Variants in FLT1 observed in about 807,000 individuals in gnomAD.
The protein encoded by FLT1 is vascular endothelial growth factor receptor 1.
FLT1 carries 49 observed loss-of-function variants against 156.3 expected under a neutral mutation model. The observed-to-expected ratio is 0.31, with a 90% CI of 0.25 to 0.40. FLT1 has a LOEUF of 0.40. FLT1 is among the 10% of genes least tolerant of loss of function. FLT1 has a pLI of 1.00. For missense variants in FLT1, 1,322 were observed against 1,637.2 expected (o/e 0.81, Z 3.32); for synonymous variants, 594 against 583.8 (o/e 1.02, Z -0.25).
intron 14 of FLT1, among the ~76,000 whole-genome samples, chr13:28,372,021 T>G (rs1015341619): frequency 3.4e-4 from 4 of 11,838 alleles, no homozygotes; most frequent in East Asian, 4.3e-3. Flanking sequence ...AAATCATTGG[T>G]GTGTGTGTGT....
chr13:28,339,452 A>T (rs1478558489), intron 16 of FLT1, 152 bp from the exon 17 acceptor site: 5 of 737,032 alleles, frequency 6.8e-6, no homozygotes, highest in Admixed American at 2.4e-5. Context: ...ACATACACTC[A>T]TCACACTTAG....
intron 6 of FLT1, among the ~76,000 whole-genome samples, chr13:28,431,838 T>C (rs7318965): frequency 4.3e-4 from 66 of 152,302 alleles, no homozygotes; most frequent in African/African-American, 1.4e-3. Context: ...GTTTCCTTTT[T>C]TGTCCCTACG....
At chr13:28,478,436 G>T (rs1044430501) in intron 1 of FLT1, among the ~76,000 whole-genome samples, 1 of 152,206 alleles carries the variant, frequency 6.6e-6, no homozygotes, top group Non-Finnish European at 1.5e-5. Context: ...TTATGGATTT[G>T]TCATTTATGT....
At chr13:28,352,839 G>A (rs1397900176) in intron 15 of FLT1, among the ~76,000 whole-genome samples, 1 of 152,166 alleles carries the variant, frequency 6.6e-6, no homozygotes, top group East Asian at 1.9e-4. Context: ...TTGGGGGCAG[G>A]ATTCAGGAAG....
At chr13:28,368,622 G>A (rs1200400624) in intron 14 of FLT1, 2 of 1,366,956 alleles carry the variant, frequency 1.5e-6, no homozygotes, top group Admixed American at 2.0e-5. Flanking sequence ...GATGACAATG[G>A]TGATGATGAC....
At chr13:28,351,108 C>A (rs866228613) in intron 15 of FLT1, among the ~76,000 whole-genome samples, 1 of 151,840 alleles carries the variant, frequency 6.6e-6, no homozygotes, top group South Asian at 2.1e-4. Flanking sequence ...ATACAATTTG[C>A]CTTTTCTTTC....
Position 28,405,892 on chromosome 13 carries a change from C to T in FLT1, c.1439G>A (p.Cys480Tyr), listed in dbSNP as rs1399874228. ...PCNHNHSEAR[C>Y]DFCSNNEESF... ...CTCTTCATTATTGGAACAAAAGTCA[C>T]ACCTATTAAAAAAAAAAGTTGTCAC... is the stretch of plus-strand genomic sequence containing the variant. Residue 480 changes from cysteine to tyrosine, a missense_variant and splice_region_variant, in exon 11 of 30, where the codon TGT becomes TAT. Physicochemically the swap from Cys to Tyr is radical, Grantham distance 194. Transcript: ENST00000282397. The T allele has an allele frequency of 1.3e-6, 2 of 1,558,916 alleles. No individual in the cohort carries two copies. Among genetic ancestry groups the T allele is most frequent in the South Asian group, 1.1e-5 (1 of 89,954 alleles).
chr13:28,330,817 G>A (rs1003691004), intron 18 of FLT1, among the ~76,000 whole-genome samples: 4 of 151,830 alleles, frequency 2.6e-5, no homozygotes, highest in Admixed American at 6.6e-5. Flanking sequence ...GGGTTCAAGC[G>A]ATTCTCATGC....
chr13:28,413,433 C>T (rs372320748), intron 10 of FLT1, among the ~76,000 whole-genome samples: 5 of 147,234 alleles, frequency 3.4e-5, no homozygotes, highest in East Asian at 4.1e-4. Context: ...CAGTCTTTTC[C>T]AGGGCCAGGG....
At chr13:28,419,407 C>T (rs545124991) in intron 10 of FLT1, among the ~76,000 whole-genome samples, 5 of 152,300 alleles carry the variant, frequency 3.3e-5, no homozygotes, top group African/African-American at 1.2e-4. Flanking sequence ...TGTGTCAGGA[C>T]ATTAGTTTCT....
intron 11 of FLT1, 112 bp downstream of exon 11, chr13:28,405,668 T>C: frequency 1.4e-6 from 1 of 730,186 alleles, no homozygotes. Context: ...TTCTTCTCTC[T>C]GAATTTTTGT....
intron 14 of FLT1, among the ~76,000 whole-genome samples, chr13:28,372,563 A>AATATATATATAT (rs1565990688): frequency 4.3e-5 from 2 of 46,590 alleles, no homozygotes; most frequent in Admixed American, 4.5e-4. Flanking sequence ...GTTTAAATAA[A>AATATATATATAT]ATGTATATAT....
intron 13 of FLT1, chr13:28,388,320 G>A (rs375138914): frequency 4.7e-6 from 5 of 1,057,912 alleles, no homozygotes; most frequent in Admixed American, 5.4e-5. Context: ...AAGTTTAGCC[G>A]TGGGACAGAA....
rs55955231 is a variant in FLT1 at position 28,405,899 on chromosome 13, T to TAA, written c.1437-7_1437-6dup. 669 of 1,393,050 alleles carry TAA rather than the reference T, an allele frequency of 4.8e-4. No individual in the cohort carries two copies. Among genetic ancestry groups the TAA allele is most frequent in the Non-Finnish European group, 5.7e-4 (575 of 1,007,020 alleles). The allele number at this position is 1,393,050 out of a possible 1,614,324, so 86.3% of individuals were successfully genotyped here. A position where few individuals can be genotyped will look rare whatever the true frequency, so the allele number is the denominator to read the frequency against. ...TTATTGGAACAAAAGTCACACCTATTAAAAAAAAAAGTTGTCACAATGTGG... is the reference window on the plus strand; with the variant it reads ...TTATTGGAACAAAAGTCACACCTATTAAAAAAAAAAAAGTTGTCACAATGTGG... On this transcript the variant is annotated splice_region_variant and splice_polypyrimidine_tract_variant and intron_variant, in intron 10 of 29. Coordinates refer to ENST00000282397, the MANE Select transcript of FLT1 (RefSeq NM_002019.4).
chr13:28,372,074 A>T (rs1297176504), intron 14 of FLT1, among the ~76,000 whole-genome samples: 541 of 14,022 alleles, frequency 0.039, 5 homozygotes, highest in African/African-American at 0.047. Flanking sequence ...ATATATATAT[A>T]TATTTTTTTT....
At chr13:28,478,288 G>A (rs1880661102) in intron 1 of FLT1, among the ~76,000 whole-genome samples, 1 of 152,178 alleles carries the variant, frequency 6.6e-6, no homozygotes, top group East Asian at 1.9e-4. Context: ...AATCTAAAAT[G>A]GAAAGTTTTC....
intron 3 of FLT1, among the ~76,000 whole-genome samples, chr13:28,443,232 C>T (rs1442769291): frequency 6.6e-6 from 1 of 152,238 alleles, no homozygotes; most frequent in Non-Finnish European, 1.5e-5. Flanking sequence ...TCCTTCAGGA[C>T]AACAAGTGGG....
intron 14 of FLT1, among the ~76,000 whole-genome samples, chr13:28,370,898 A>G (rs1005445297): frequency 1.3e-5 from 2 of 152,212 alleles, no homozygotes; most frequent in Admixed American, 1.3e-4. Flanking sequence ...GTGATGAAGT[A>G]GCGACTCTAA....
chr13:28,334,977 G>C (rs1303113306), intron 17 of FLT1, among the ~76,000 whole-genome samples: 3 of 152,152 alleles, frequency 2.0e-5, no homozygotes, highest in African/African-American at 7.2e-5. Context: ...GCAGAATGGA[G>C]AGTGGTGTTC....
Sources: allele counts gnomAD v4.1 joint callset (sites outside exome capture counted in the v4.1 genomes callset), GRCh38; gene constraint gnomAD v4.1.1; transcripts MANE v1.5; gene names NCBI Gene and HGNC (gene_info 2026-07-23, HGNC 2026-07-21).